The following THSD4 variants were observed in gnomAD, a reference collection of about 807,000 sequenced individuals.
THSD4 encodes thrombospondin type-1 domain-containing protein 4.
In THSD4, 69 loss-of-function variants were observed where a neutral mutation model predicts 119.0. That is an observed-to-expected ratio of 0.58 (90% CI 0.48 to 0.71). The LOEUF is 0.71. Ranked by LOEUF, THSD4 falls within the 30% of genes least tolerant of loss-of-function variation. The pLI is 0.00. For missense variants in THSD4, 1,393 were observed against 1,391.1 expected, an observed-to-expected ratio of 1.00 and a Z score of -0.02; for synonymous variants, 524 against 540.4, an observed-to-expected ratio of 0.97 and a Z score of 0.42.
intron 8 of THSD4, among the ~76,000 whole-genome samples, chr15:71,711,631 C>G (rs2052517913): frequency 6.6e-6 from 1 of 151,752 alleles, no homozygotes; most frequent in Non-Finnish European, 1.5e-5. Context: ...AAAGAAAGAC[C>G]CAGTGATATG....
chr15:71,436,374 G>A (rs1456716062), intron 7 of THSD4, among the ~76,000 whole-genome samples: 1 of 152,140 alleles, frequency 6.6e-6, no homozygotes, highest in East Asian at 1.9e-4. Flanking sequence ...CACCAGAGCT[G>A]CTATACTCAA....
intron 7 of THSD4, among the ~76,000 whole-genome samples, chr15:71,639,557 T>C (rs2050814064): frequency 6.6e-6 from 1 of 152,232 alleles, no homozygotes; most frequent in African/African-American, 2.4e-5. Flanking sequence ...TCACTGAATA[T>C]GTGCCAGTTC....
chr15:71,616,498 G>A (rs772775769), intron 7 of THSD4, among the ~76,000 whole-genome samples: 6 of 152,194 alleles, frequency 3.9e-5, no homozygotes, highest in Admixed American at 2.0e-4. Flanking sequence ...GAGATGGCAT[G>A]ATTTAACCTG....
chr15:71,287,011 G>A (rs992328856), intron 6 of THSD4, among the ~76,000 whole-genome samples: 8 of 152,134 alleles, frequency 5.3e-5, no homozygotes, highest in African/African-American at 2.4e-5. Context: ...GCCTATTATC[G>A]TTCACATTTT....
At chr15:71,411,568 T>C (rs1465343860) in intron 6 of THSD4, 119 bp from the exon 7 acceptor site, 11 of 1,140,066 alleles carry the variant, frequency 9.6e-6, no homozygotes, top group Non-Finnish European at 1.3e-5. Context: ...ATGCTTAATT[T>C]TGTGTTATAC....
chr15:71,618,471 A>G (rs996018893), intron 7 of THSD4, among the ~76,000 whole-genome samples: 2 of 152,242 alleles, frequency 1.3e-5, no homozygotes, highest in African/African-American at 2.4e-5. Context: ...ATTGCTAAAG[A>G]CAACACAAAA....
At chr15:71,383,773 A>G (rs2046257510) in intron 6 of THSD4, among the ~76,000 whole-genome samples, 1 of 152,228 alleles carries the variant, frequency 6.6e-6, no homozygotes, top group South Asian at 2.1e-4. Flanking sequence ...GAGTCATACA[A>G]ATAAAAATAC....
chr15:71,362,028 A>C (rs921147824), intron 6 of THSD4, among the ~76,000 whole-genome samples: 5 of 152,270 alleles, frequency 3.3e-5, no homozygotes, highest in African/African-American at 1.2e-4. Flanking sequence ...CTATAATCCC[A>C]GCACTTGGGA....
chr15:71,180,550 A>G (rs1596249618), intron 3 of THSD4, among the ~76,000 whole-genome samples: 1 of 152,324 alleles, frequency 6.6e-6, no homozygotes, highest in African/African-American at 2.4e-5. Flanking sequence ...TATGCTTCAA[A>G]TATGTAATTG....
rs1332640515 is a variant in THSD4, at chr15:71,421,204, C to T, written c.1152+9381C>T. Among the ~76,000 whole-genome samples, 12 of 82,908 alleles carry T rather than the reference C, an allele frequency of 1.4e-4. 4 individuals carry two copies. The highest frequency in any genetic ancestry group is 2.5e-4 in the Non-Finnish European group (10 of 40,748). The allele number at this position is 82,908 out of a possible 152,430, so 54.4% of individuals were successfully genotyped here. On this transcript the variant is annotated intron_variant, in intron 7 of 17. Transcript: ENST00000261862. ...AAAAAAAAAAGGAGTAGTTTACACA[C>T]CACAATTAGTGTATAATATTCTGTG... is the stretch of plus-strand genomic sequence containing the variant.
chr15:71,629,229 C>G (rs1005014075), intron 7 of THSD4, among the ~76,000 whole-genome samples: 1 of 152,138 alleles, frequency 6.6e-6, no homozygotes, highest in African/African-American at 2.4e-5. Flanking sequence ...CAGTAGAGAC[C>G]CGCACTGTCT....
intron 8 of THSD4, among the ~76,000 whole-genome samples, chr15:71,689,558 G>C (rs935374718): frequency 6.6e-6 from 1 of 152,220 alleles, no homozygotes. Flanking sequence ...ACAAAGGAGA[G>C]CCAAGTTCCT....
intron 6 of THSD4, among the ~76,000 whole-genome samples, chr15:71,346,858 T>G (rs2045667524): frequency 6.8e-6 from 1 of 146,030 alleles, no homozygotes. Context: ...ATAAGTTTCA[T>G]TTTCATTTTC....
chr15:71,661,499 G>A lies in THSD4; in HGVS notation c.1357+765G>A, dbSNP rs972959643. Among the ~76,000 whole-genome samples the A allele has an allele frequency of 7.3e-5, 11 of 151,722 alleles. No homozygotes were observed. In the East Asian group the frequency reaches 1.9e-3, roughly 27 times the overall value. ...CAGCCTCCGCCTCCCAGGTTCAAAT[G>A]ATTCTCCTGCCTCAGCCTCCCGAGT... On this transcript the variant is annotated intron_variant, in intron 8 of 17. Transcript: ENST00000261862.
chr15:71,506,469 C>G (rs12595185), intron 7 of THSD4, among the ~76,000 whole-genome samples: 18,224 of 152,202 alleles, frequency 0.12, 1,373 homozygotes, highest in Middle Eastern at 0.28. Context: ...GAGACTGACT[C>G]TACCCCGTAA....
intron 3 of THSD4, among the ~76,000 whole-genome samples, chr15:71,206,737 A>G (rs1270995363): frequency 6.6e-6 from 1 of 152,198 alleles, no homozygotes; most frequent in Non-Finnish European, 1.5e-5. Flanking sequence ...AGAAATTTCC[A>G]GGGTTTTCTG....
intron 7 of THSD4, among the ~76,000 whole-genome samples, chr15:71,637,704 T>G (rs1053689921): frequency 6.6e-6 from 1 of 150,834 alleles, no homozygotes; most frequent in African/African-American, 2.4e-5. Flanking sequence ...AGGTGGATGG[T>G]AGAGTGATGG....
rs1238099906 is a variant in THSD4, at chr15:71,780,712, C to T, written c.*3338C>T. 5 of 456,468 alleles carry T rather than the reference C, an allele frequency of 1.1e-5. No individual in the cohort carries two copies. The highest frequency in any genetic ancestry group is 1.5e-5 in the South Asian group (1 of 64,558). The allele number at this position is 456,468 out of a possible 1,614,324, so 28.3% of individuals were successfully genotyped here. On this transcript the variant is annotated 3_prime_UTR_variant, in exon 18 of 18. Coordinates refer to ENST00000261862, the MANE Select transcript of THSD4 (RefSeq NM_024817.3). The stretch of plus-strand genomic sequence containing the variant: ...ACAAGAATTCTCCGCACTGTGCCTA[C>T]CTGTCCCTTTACCTTACCTCTCTGG...
intron 6 of THSD4, among the ~76,000 whole-genome samples, chr15:71,262,270 A>G (rs1484105725): frequency 6.6e-6 from 1 of 152,138 alleles, no homozygotes; most frequent in African/African-American, 2.4e-5. Context: ...AATTTTTCTC[A>G]TAGCCTGGGA....
Sources: allele counts gnomAD v4.1 joint callset (sites outside exome capture counted in the v4.1 genomes callset), GRCh38; gene constraint gnomAD v4.1.1; transcripts MANE v1.5; gene names NCBI Gene and HGNC (gene_info 2026-07-23, HGNC 2026-07-21).